The following DIPK1A variants were observed in gnomAD, a reference collection of about 807,000 sequenced individuals.
DIPK1A encodes the protein divergent protein kinase domain 1A, also known as family with sequence similarity 69 member A.
DIPK1A carries 27 observed loss-of-function variants against 40.8 expected under a neutral mutation model. The observed-to-expected ratio is 0.66, with a 90% CI of 0.49 to 0.91. The LOEUF is 0.91. Among genes scored for constraint, DIPK1A ranks in the 40% least tolerant of loss-of-function variants. The probability of loss-of-function intolerance (pLI) is 0.00; values close to 1 mark genes in which losing one functional copy is unlikely to be tolerated. For missense variants in DIPK1A, 412 were observed against 505.7 expected (o/e 0.81, Z 1.78); for synonymous variants, 166 against 171.3 (o/e 0.97, Z 0.24).
At chr1:92,835,022 G>A in intron 4 of DIPK1A, 1 of 1,501,836 alleles carries the variant, frequency 6.7e-7, no homozygotes, top group Middle Eastern at 1.7e-4. Flanking sequence ...CTTCAGGAGA[G>A]TGCTTGCTTC....
chr1:92,961,450 C>T lies in DIPK1A; in HGVS notation c.-21G>A. On this transcript the variant is annotated 5_prime_UTR_variant, in exon 1 of 5. Coordinates refer to ENST00000370310, the MANE Select transcript of DIPK1A (RefSeq NM_001006605.5). ...GCCATGGTAATCACACATCGCCCCGCCGCGCTGCAGTCAGAGGCGGACCCG... is the reference window on the plus strand; with the variant it reads ...GCCATGGTAATCACACATCGCCCCGTCGCGCTGCAGTCAGAGGCGGACCCG... 6.8e-7 allele frequency: 1 copy of T among 1,481,086 alleles called. No individual in the cohort carries two copies. Among genetic ancestry groups the T allele is most frequent in the Non-Finnish European group, 9.0e-7 (1 of 1,109,168 alleles). 91.7% of individuals were successfully genotyped at this position (1,481,086 alleles called of 1,614,324 possible). A position where few individuals can be genotyped will look rare whatever the true frequency, so the allele number is the denominator to read the frequency against.
intron 1 of DIPK1A, among the ~76,000 whole-genome samples, chr1:92,891,026 C>A (rs191169271): frequency 6.6e-6 from 1 of 152,166 alleles, no homozygotes; most frequent in Non-Finnish European, 1.5e-5. Context: ...TTTTCTATTT[C>A]TTCTTGGTTC....
At chr1:92,902,086 C>T (rs2811589) in intron 1 of DIPK1A, among the ~76,000 whole-genome samples, 104,109 of 151,944 alleles carry the variant, frequency 0.69, 36,182 homozygotes, top group East Asian at 0.95. Flanking sequence ...GCCCAGGCAC[C>T]ATTTCCCTGG....
In DIPK1A at chr1:92,833,816, G is replaced by T. The variant is rs1411471421; in HGVS notation, c.475-782C>A. ...TTTAGTAGGTCTAGAATTGGAACCTGGGAACTTGGTACTTTAAAAAATGCT... is the reference window on the plus strand; with the variant it reads ...TTTAGTAGGTCTAGAATTGGAACCTTGGAACTTGGTACTTTAAAAAATGCT... On this transcript the variant is annotated intron_variant, in intron 4 of 4. Coordinates refer to the DIPK1A transcript ENST00000615519. 5 of 641,786 alleles carry T rather than the reference G, an allele frequency of 7.8e-6. No homozygotes were observed. The East Asian group carries it at 1.4e-4, about 18-fold the overall frequency. 39.8% of individuals were successfully genotyped at this position (641,786 alleles called of 1,614,324 possible).
chr1:92,923,393 C>T lies in DIPK1A; in HGVS notation c.54+37983G>A, dbSNP rs149465828. Among the ~76,000 whole-genome samples the T allele has an allele frequency of 5.8e-3, 885 of 152,296 alleles. 1 individual carries two copies. Among genetic ancestry groups the T allele is most frequent in the Non-Finnish European group, 9.2e-3 (628 of 68,024 alleles). ...ACCTTGTTACTGCCTGCCTTGGCCT[C>T]CCAAAGTGCTAGGATTACAGGCATG... On this transcript the variant is annotated intron_variant, in intron 1 of 4. Transcript: ENST00000370310.
intron 2 of DIPK1A, among the ~76,000 whole-genome samples, chr1:92,869,824 A>G (rs1647745649): frequency 6.6e-6 from 1 of 152,156 alleles, no homozygotes; most frequent in African/African-American, 2.4e-5. Context: ...AGAACAGTCC[A>G]TGCACTAATA....
chr1:92,954,575 A>G (rs1651771124), intron 1 of DIPK1A, among the ~76,000 whole-genome samples: 1 of 151,800 alleles, frequency 6.6e-6, no homozygotes, highest in Non-Finnish European at 1.5e-5. Flanking sequence ...GGGTTTCGCC[A>G]CATTGGCCAG....
At chr1:92,885,945 T>C (rs898056458) in intron 1 of DIPK1A, among the ~76,000 whole-genome samples, 2 of 152,154 alleles carry the variant, frequency 1.3e-5, no homozygotes, top group African/African-American at 4.8e-5. Flanking sequence ...AAAAATAAAG[T>C]TGGGGTCATA....
At chr1:92,913,403 A>G (rs914400491) in intron 1 of DIPK1A, among the ~76,000 whole-genome samples, 1 of 151,830 alleles carries the variant, frequency 6.6e-6, no homozygotes, top group East Asian at 1.9e-4. Flanking sequence ...ATACTGGTCT[A>G]TTCATTTGTG....
intron 1 of DIPK1A, among the ~76,000 whole-genome samples, chr1:92,930,306 C>T (rs1308886255): frequency 6.6e-6 from 1 of 152,148 alleles, no homozygotes; most frequent in Non-Finnish European, 1.5e-5. Context: ...AACTATGGTT[C>T]CCACTCCCCA....
intron 1 of DIPK1A, chr1:92,933,231 GAACAT>G (rs1480658508): frequency 6.6e-5 from 10 of 152,020 alleles, no homozygotes; most frequent in African/African-American, 2.4e-4. Flanking sequence ...TAATGAAACA[GAACAT>G]AACTTAAAAT....
intron 1 of DIPK1A, among the ~76,000 whole-genome samples, chr1:92,880,396 G>A (rs1172753967): frequency 3.3e-5 from 5 of 152,138 alleles, no homozygotes; most frequent in African/African-American, 4.8e-5. Flanking sequence ...AGCCCACGAT[G>A]ACACAAAATG....
At chr1:92,931,963 G>T in intron 1 of DIPK1A, 1 of 360,222 alleles carries the variant, frequency 2.8e-6, no homozygotes. Context: ...GGCAAATAAA[G>T]TACTTGCTAA....
intron 1 of DIPK1A, among the ~76,000 whole-genome samples, chr1:92,917,339 C>T (rs1337906102): frequency 2.0e-5 from 3 of 151,982 alleles, no homozygotes; most frequent in African/African-American, 7.3e-5. Flanking sequence ...TTTTGCTTTC[C>T]AAATCATTAT....
intron 1 of DIPK1A, among the ~76,000 whole-genome samples, chr1:92,924,075 G>A (rs1196951495): frequency 6.6e-6 from 1 of 152,112 alleles, no homozygotes; most frequent in African/African-American, 2.4e-5. Flanking sequence ...ATACTTTTCA[G>A]TGTAGAGGTG....
In DIPK1A at chr1:92,843,696, A is replaced by C. The variant is rs1176848785; in HGVS notation, c.974T>G (p.Leu325Arg). The C allele has an allele frequency of 6.4e-7, 1 of 1,551,728 alleles. No homozygotes were observed. Among genetic ancestry groups the C allele is most frequent in the South Asian group, 1.2e-5 (1 of 84,064 alleles). The stretch of plus-strand genomic sequence containing the variant: ...AGACTCACAGTGACGATCCTTAATA[A>C]GTTCTTTCAGGTTTGTCTCTGGCAC... Reference protein sequence around the residue: ...KIVPETNLKELIKDRHCESDL... With the variant: ...KIVPETNLKERIKDRHCESDL... The change falls in exon 5 of 5, where the codon CTT becomes CGT. Residue 325 changes from leucine to arginine, a missense_variant. By Grantham distance (102) the Leu-to-Arg change is moderately radical. Coordinates refer to ENST00000370310, the MANE Select transcript of DIPK1A (RefSeq NM_001006605.5).
intron 1 of DIPK1A, among the ~76,000 whole-genome samples, chr1:92,940,403 C>T (rs1037757157): frequency 1.2e-3 from 182 of 152,298 alleles, no homozygotes; most frequent in Non-Finnish European, 2.2e-3. Flanking sequence ...TAGTACAACA[C>T]TTCTTTTTCT....
intron 4 of DIPK1A, chr1:92,834,706 C>T (rs1687047390): frequency 6.3e-7 from 1 of 1,590,210 alleles, no homozygotes; most frequent in Non-Finnish European, 8.6e-7. Context: ...TTTTTATTCC[C>T]TTGAAAAATA....
intron 1 of DIPK1A, among the ~76,000 whole-genome samples, chr1:92,948,670 T>C (rs538779670): frequency 1.3e-4 from 19 of 146,036 alleles, no homozygotes; most frequent in African/African-American, 4.5e-4. Flanking sequence ...TACATATGTG[T>C]ATATATACAT....
Sources: gnomAD v4.1 joint callset for allele counts (sites outside exome capture counted in the v4.1 genomes callset) on GRCh38, gnomAD v4.1.1 for gene constraint, MANE v1.5 for transcripts, NCBI Gene and HGNC (gene_info 2026-07-23, HGNC 2026-07-21) for gene names.